Variants in TECTA observed in about 807,000 individuals in gnomAD.
TECTA encodes alpha-tectorin.
Under a neutral mutation model 216.8 loss-of-function variants are expected in TECTA, and 128 were observed. The observed-to-expected ratio is 0.59, with a 90% CI of 0.51 to 0.68. The LOEUF (loss-of-function observed/expected upper bound fraction) is 0.68, where lower values mean the gene tolerates loss of function less well. Ranked by LOEUF, TECTA falls within the 30% of genes least tolerant of loss-of-function variation. The pLI, the probability that TECTA is intolerant of heterozygous loss-of-function variation, is 0.00. For missense variants in TECTA, 2,551 were observed against 2,786.2 expected, an observed-to-expected ratio of 0.92 and a Z score of 1.90; for synonymous variants, 1,089 against 1,117.1, an observed-to-expected ratio of 0.97 and a Z score of 0.50.
In TECTA at chr11:121,109,466, G is replaced by C; in HGVS notation, c.454G>C (p.Val152Leu). 1 of 1,614,180 alleles carries C rather than the reference G, an allele frequency of 6.2e-7. No homozygotes were observed. Among genetic ancestry groups the C allele is most frequent in the Middle Eastern group, 1.6e-4 (1 of 6,062 alleles). Reference protein sequence around the residue: ...TWVFIVTWEEVTFYGGSSTTP... With the variant: ...TWVFIVTWEELTFYGGSSTTP... ...GGTTTTCATTGTGACATGGGAGGAA[G>C]TCACGTTTTATGGAGGCAGCAGCAC... is the stretch of plus-strand genomic sequence containing the variant. The change falls in exon 4 of 24, where the codon GTC becomes CTC. Residue 152 changes from valine to leucine, a missense_variant. Val to Leu is a conservative substitution (Grantham distance 32). This residue lies in a region of TECTA where 2,375 missense variants were observed against 2,563.9 expected (regional missense o/e 0.93). Coordinates refer to ENST00000392793, the MANE Select transcript of TECTA (RefSeq NM_005422.4).
rs974017690 is a variant in TECTA, at chr11:121,128,440, A to G, written c.2367+96A>G. ...CAGGTTTGCCTTTCTGCCTCTGCCT[A>G]TGAGTGGATTTTAGAAAGAAGATGG... On this transcript the variant is annotated intron_variant, in intron 9 of 23. Coordinates refer to ENST00000392793, the MANE Select transcript of TECTA (RefSeq NM_005422.4). 8 of 1,179,942 alleles carry G rather than the reference A, an allele frequency of 6.8e-6. No individual in the cohort carries two copies. The African/African-American group carries it at 9.2e-5, about 14-fold the overall frequency. 73.1% of individuals were successfully genotyped at this position (1,179,942 alleles called of 1,614,324 possible).
In TECTA at chr11:121,145,914, C is replaced by T. The variant is rs1000187632; in HGVS notation, c.3903C>T (p.Cys1301=). ...GTTTCTCCAAAGTGCAGCAGCTGTG[C>T]AGCCTGATCCCCAACCAGAACGCTG... ...VEGFSKVQQL[C]SLIPNQNAAF... The change falls in exon 12 of 24, where the codon TGC becomes TGT. Residue 1301 remains cysteine (C), a synonymous_variant. Transcript: ENST00000392793. The T allele has an allele frequency of 1.9e-6, 3 of 1,614,140 alleles. No homozygotes were observed. The highest frequency in any genetic ancestry group is 1.3e-5 in the African/African-American group (1 of 74,946).
At position 121,158,174 on chromosome 11, in the gene TECTA, T is replaced by C. The variant is rs772103917; in HGVS notation, c.4639T>C (p.Phe1547Leu). 6.2e-7 allele frequency: 1 copy of C among 1,614,052 alleles called. No homozygotes were observed. The highest frequency in any genetic ancestry group is 1.1e-5 in the South Asian group (1 of 91,082). The change falls in exon 14 of 24, where the codon TTC (phenylalanine) becomes CTC (leucine). Residue 1547 changes from phenylalanine (F) to leucine (L), a missense_variant. Physicochemically the swap from Phe to Leu is conservative, Grantham distance 22 (BLOSUM62 0). This residue lies in a region of TECTA where 2,375 missense variants were observed against 2,563.9 expected (regional missense o/e 0.93). Coordinates refer to ENST00000392793, the MANE Select transcript of TECTA (RefSeq NM_005422.4). ...PNLTIISPVY[F>L]YINEEQILIN... Reference sequence around the variant, plus strand: ...CCTCACCATCATTTCGCCCGTCTACTTCTACATTAACGAAGAGCAGATTCT... The same window carrying C: ...CCTCACCATCATTTCGCCCGTCTACCTCTACATTAACGAAGAGCAGATTCT...
chr11:121,157,998 T>TGGCG lies in TECTA; in HGVS notation c.4465_4468dup (p.Ala1490GlyfsTer62). On this transcript the variant is annotated frameshift_variant, in exon 14 of 24. Coordinates refer to ENST00000392793, the MANE Select transcript of TECTA (RefSeq NM_005422.4). LOFTEE classifies it high-confidence loss of function. ...TTCAGCACCAAGACCTCCTACTGCC[T>TGGCG]GGCGGCCGGCGGCGGCGTCTTCCGC... 6.2e-7 allele frequency: 1 copy of TGGCG among 1,613,168 alleles called. No individual in the cohort carries two copies. The highest frequency in any genetic ancestry group is 8.5e-7 in the Non-Finnish European group (1 of 1,179,948).
intron 3 of TECTA, among the ~76,000 whole-genome samples, chr11:121,106,241 A>G (rs922841080): frequency 3.9e-5 from 6 of 152,226 alleles, no homozygotes; most frequent in African/African-American, 9.6e-5. Flanking sequence ...CCCCAATGCC[A>G]TGAATGTTAT....
chr11:121,181,981 T>C (rs962616430), intron 20 of TECTA, among the ~76,000 whole-genome samples: 3 of 152,242 alleles, frequency 2.0e-5, no homozygotes, highest in Middle Eastern at 3.2e-3. Flanking sequence ...GGTCTCCATA[T>C]GATTTCTTCA....
chr11:121,183,076 C>T (rs1225393945), intron 20 of TECTA, among the ~76,000 whole-genome samples: 1 of 152,170 alleles, frequency 6.6e-6, no homozygotes, highest in Non-Finnish European at 1.5e-5. Context: ...TGGCGCACTG[C>T]ATCACCTGTT....
rs777794611 is a variant in TECTA, at chr11:121,105,806, A to C, written c.65-25A>C. ...CAAACGGCAGAGGGAGCTGCCATCTATCTAACCATCATCTCTCTTGACAGC... is the reference window on the plus strand; with the variant it reads ...CAAACGGCAGAGGGAGCTGCCATCTCTCTAACCATCATCTCTCTTGACAGC... On this transcript the variant is annotated intron_variant, in intron 2 of 23. Coordinates refer to ENST00000392793, the MANE Select transcript of TECTA (RefSeq NM_005422.4). This position sits in a 1 kb window ranked among gnomAD's most constrained non-coding sequence, Gnocchi z 5.3. 1 of 1,614,016 alleles carries C rather than the reference A, an allele frequency of 6.2e-7. No homozygotes were observed. The highest frequency in any genetic ancestry group is 8.5e-7 in the Non-Finnish European group (1 of 1,179,978).
chr11:121,132,045 T>C (rs930154267), intron 10 of TECTA, among the ~76,000 whole-genome samples: 3 of 152,212 alleles, frequency 2.0e-5, no homozygotes, highest in Non-Finnish European at 4.4e-5. Context: ...TACTTTAAAT[T>C]TAGGTAGCTA....
intron 7 of TECTA, among the ~76,000 whole-genome samples, chr11:121,123,814 C>T (rs1239551622): frequency 6.6e-6 from 1 of 152,208 alleles, no homozygotes; most frequent in Non-Finnish European, 1.5e-5. Flanking sequence ...CTGACGGGCC[C>T]TGCTTGTTCT....
chr11:121,157,955 A>C lies in TECTA; in HGVS notation c.4420A>C (p.Asn1474His), dbSNP rs752740142. The change falls in exon 14 of 24, where the codon AAC becomes CAC. Residue 1474 changes from asparagine to histidine, a missense_variant. Physicochemically the swap from Asn to His is moderately conservative, Grantham distance 68. Coordinates refer to ENST00000392793, the MANE Select transcript of TECTA (RefSeq NM_005422.4). ...GTCAGACGAGGAGTGTGCGCTGCGC[A>C]ACGGGGTGCGCGGCTGCTTCAGCAC... The part of the protein sequence containing the change: ...CKSDEECALR[N>H]GVRGCFSTKT... The C allele has an allele frequency of 1.9e-6, 3 of 1,613,884 alleles. No individual in the cohort carries two copies. Among genetic ancestry groups the C allele is most frequent in the Non-Finnish European group, 2.5e-6 (3 of 1,179,998 alleles).
Position 121,131,763 on chromosome 11 carries a change from T to C in TECTA, c.2941+1552T>C, listed in dbSNP as rs1946677397. On this transcript the variant is annotated intron_variant, in intron 10 of 23. Transcript: ENST00000392793. The stretch of plus-strand genomic sequence containing the variant: ...TCATTGTCTTAGCGTTCTTGAAGAG[T>C]ACAGGCCAGTTATTTTGCAGACTGT... 2.0e-5 allele frequency among the ~76,000 whole-genome samples: 3 copies of C among 152,184 alleles called. No homozygotes were observed. The South Asian group carries it at 6.2e-4, about 32-fold the overall frequency.
chr11:121,170,325 G>T (rs1019466016), intron 20 of TECTA, among the ~76,000 whole-genome samples: 1 of 152,116 alleles, frequency 6.6e-6, no homozygotes, highest in Non-Finnish European at 1.5e-5. Flanking sequence ...GGAAGTGTAG[G>T]TATTCTTTTG....
chr11:121,186,109 A>C (rs1947283596), intron 20 of TECTA, among the ~76,000 whole-genome samples: 1 of 116,902 alleles, frequency 8.6e-6, no homozygotes, highest in African/African-American at 4.3e-5. Flanking sequence ...TGAGTAGGGA[A>C]AGAAGATGTT....
intron 17 of TECTA, 25 bp from the exon 18 acceptor site, chr11:121,166,553 C>T (rs1196359793): frequency 6.2e-7 from 1 of 1,613,318 alleles, no homozygotes; most frequent in Non-Finnish European, 8.5e-7. Context: ...CACTGATTTG[C>T]CTTTCGTAAT....
At chr11:121,124,356 T>C (rs1476319595) in intron 7 of TECTA, among the ~76,000 whole-genome samples, 1 of 152,154 alleles carries the variant, frequency 6.6e-6, no homozygotes, top group Non-Finnish European at 1.5e-5. Context: ...CAGTAACACC[T>C]CAGTGTCTGC....
At chr11:121,189,503 A>G (rs1390151419) in intron 22 of TECTA, among the ~76,000 whole-genome samples, 1 of 151,902 alleles carries the variant, frequency 6.6e-6, no homozygotes, top group Non-Finnish European at 1.5e-5. Context: ...CCTCCCGAGT[A>G]GCTGGGACTA....
At chr11:121,114,291 G>A (rs914109562) in intron 6 of TECTA, among the ~76,000 whole-genome samples, 6 of 152,144 alleles carry the variant, frequency 3.9e-5, no homozygotes, top group South Asian at 2.1e-4. Flanking sequence ...GCTGACTTTG[G>A]GTATCTGTGA....
chr11:121,169,034 G>C (rs974021313), intron 20 of TECTA, 109 bp downstream of exon 20: 41 of 1,555,062 alleles, frequency 2.6e-5, no homozygotes, highest in Non-Finnish European at 3.3e-5. Context: ...TGCCTACAAG[G>C]CCAGAATTTT....
Sources: gnomAD v4.1 joint callset for allele counts (sites outside exome capture counted in the v4.1 genomes callset) on GRCh38, gnomAD v4.1.1 for gene constraint, gnomAD v4.1.1 regional missense constraint, Gnocchi (gnomAD v3.1) non-coding constraint, MANE v1.5 for transcripts, NCBI Gene and HGNC (gene_info 2026-07-23, HGNC 2026-07-21) for gene names.